MTTP: variants seen among roughly 807,000 people sequenced by gnomAD.
The protein encoded by MTTP is microsomal triglyceride transfer protein large subunit.
In MTTP, 49 loss-of-function variants were observed where a neutral mutation model predicts 90.6. The observed-to-expected ratio is 0.54, with a 90% CI of 0.43 to 0.69. The LOEUF (loss-of-function observed/expected upper bound fraction) is 0.69, where lower values mean the gene tolerates loss of function less well. Ranked by LOEUF, MTTP falls within the 30% of genes least tolerant of loss-of-function variation. The pLI is 0.00. For missense variants in MTTP, 945 were observed against 1,067.5 expected (o/e 0.89, Z 1.60); for synonymous variants, 347 against 384.2 (o/e 0.90, Z 1.13).
intron 15 of MTTP, among the ~76,000 whole-genome samples, chr4:99,615,059 C>T (rs970232252): frequency 2.6e-5 from 4 of 152,192 alleles, no homozygotes; most frequent in African/African-American, 7.2e-5. Context: ...CGTTTTAGGA[C>T]ACAGAGGACA....
intron 16 of MTTP, among the ~76,000 whole-genome samples, 199 bp downstream of exon 16, chr4:99,619,297 A>T (rs1726175369): frequency 6.6e-6 from 1 of 152,208 alleles, no homozygotes. Flanking sequence ...AGTACCTAAT[A>T]TGACTCAGCC....
chr4:99,565,464 A>G (rs1327936587), intron 1 of MTTP, among the ~76,000 whole-genome samples: 1 of 152,246 alleles, frequency 6.6e-6, no homozygotes. Flanking sequence ...CAAAAAATTG[A>G]AACATATAGA....
rs779393101 is a variant in MTTP at position 99,621,132 on chromosome 4, C to T, written c.2414C>T (p.Thr805Ile). The T allele has an allele frequency of 1.2e-6, 2 of 1,614,052 alleles. No homozygotes were observed. The highest frequency in any genetic ancestry group is 1.7e-6 in the Non-Finnish European group (2 of 1,179,934). The stretch of plus-strand genomic sequence containing the variant: ...GTGAAAGCTGGCCTGGAAACCAGTA[C>T]AGAAACAGAAGCAGGCTTGGAGTTT... ...SFVKAGLETSTETEAGLEFIS... is the reference protein window; with the variant it reads ...SFVKAGLETSIETEAGLEFIS... Residue 805 changes from threonine to isoleucine, a missense_variant, in exon 17 of 18, where the codon ACA becomes ATA. By Grantham distance (89) the Thr-to-Ile change is moderately conservative. Coordinates refer to ENST00000265517, the MANE Select transcript of MTTP (RefSeq NM_001386140.1).
intron 1 of MTTP, among the ~76,000 whole-genome samples, chr4:99,564,965 G>C (rs1256134112): frequency 6.6e-6 from 1 of 152,320 alleles, no homozygotes; most frequent in African/African-American, 2.4e-5. Context: ...CTATAACACT[G>C]TTGTGAGTCC....
chr4:99,576,477 C>T (rs556421156), intron 1 of MTTP, among the ~76,000 whole-genome samples: 3 of 151,822 alleles, frequency 2.0e-5, no homozygotes, highest in South Asian at 4.2e-4. Context: ...GGGCGGATCA[C>T]GAGGTCAGGA....
chr4:99,569,511 G>C (rs1244250563), intron 1 of MTTP, among the ~76,000 whole-genome samples: 1 of 151,884 alleles, frequency 6.6e-6, no homozygotes, highest in East Asian at 1.9e-4. Context: ...AACTGTGCAG[G>C]CTATATGAGA....
Position 99,621,096 on chromosome 4 carries a change from A to T in MTTP, c.2378A>T (p.Asp793Val), listed in dbSNP as rs780797954. 6.2e-7 allele frequency: 1 copy of T among 1,613,842 alleles called. No individual in the cohort carries two copies. Among genetic ancestry groups the T allele is most frequent in the South Asian group, 1.1e-5 (1 of 91,074 alleles). The change falls in exon 17 of 18, where the codon GAC becomes GTC. Residue 793 changes from aspartate (D) to valine (V), a missense_variant. By Grantham distance (152) the Asp-to-Val change is radical. Transcript: ENST00000265517. ...TVVITTDITV[D>V]SSFVKAGLET... is the part of the protein sequence containing the mutation. Reference sequence around the variant, plus strand: ...GTAATAACCACTGACATCACAGTGGACTCCTCTTTTGTGAAAGCTGGCCTG... The same window carrying T: ...GTAATAACCACTGACATCACAGTGGTCTCCTCTTTTGTGAAAGCTGGCCTG...
In MTTP at chr4:99,623,601, T is replaced by C. The variant is rs1325961564; in HGVS notation, c.*753T>C. 2.0e-5 allele frequency: 3 copies of C among 152,422 alleles called. No homozygotes were observed. The highest frequency in any genetic ancestry group is 4.4e-5 in the Non-Finnish European group (3 of 68,222). 9.4% of individuals were successfully genotyped at this position (152,422 alleles called of 1,614,324 possible). ...AATTTCAGAAACTCCATTTGATTTT[T>C]CTTTTGCTGTGTCTTTTTGAGACTG... On this transcript the variant is annotated 3_prime_UTR_variant, in exon 18 of 18. Transcript: ENST00000265517.
chr4:99,591,441 G>GA (rs1418521360), intron 5 of MTTP, 90 bp downstream of exon 5: 4 of 1,237,058 alleles, frequency 3.2e-6, no homozygotes, highest in Non-Finnish European at 4.7e-6. Flanking sequence ...AGTAGAAATA[G>GA]AATTTTGAAA....
chr4:99,612,366 C>CTT (rs111611870), intron 14 of MTTP, among the ~76,000 whole-genome samples: 8 of 134,888 alleles, frequency 5.9e-5, no homozygotes, highest in Admixed American at 7.5e-5. Context: ...TGTTTATCGA[C>CTT]TTTTTTTTTT....
rs200114105 is a variant in MTTP at position 99,606,943 on chromosome 4, C to T, written c.1540C>T (p.Pro514Ser). Residue 514 changes from proline to serine, a missense_variant, in exon 11 of 18, where the codon CCT (proline) becomes TCT (serine). Pro to Ser is a moderately conservative substitution (Grantham distance 74). Transcript: ENST00000265517. ...ATTALQRYDL[P>S]FITDEVKKTL... ...CACTGCTCTCCAGAGATATGATCTC[C>T]CTTTCATAACTGATGAGGTAAAATC... 4.9e-5 allele frequency: 79 copies of T among 1,613,268 alleles called. No homozygotes were observed. The highest frequency in any genetic ancestry group is 6.7e-5 in the East Asian group (3 of 44,840).
intron 6 of MTTP, among the ~76,000 whole-genome samples, 178 bp from the exon 7 acceptor site, chr4:99,594,555 G>A (rs78535955): frequency 1.3e-5 from 2 of 152,034 alleles, no homozygotes; most frequent in Non-Finnish European, 2.9e-5. Context: ...TATAATTGTT[G>A]CTCCAGAAAG....
At chr4:99,595,541 T>C (rs1278474825) in intron 7 of MTTP, 5 of 156,494 alleles carry the variant, frequency 3.2e-5, no homozygotes, top group African/African-American at 1.2e-4. Flanking sequence ...GAGCAAACCA[T>C]TGGCTTCATG....
chr4:99,610,260 T>C (rs1166719589), intron 12 of MTTP, among the ~76,000 whole-genome samples: 1 of 152,196 alleles, frequency 6.6e-6, no homozygotes, highest in African/African-American at 2.4e-5. Context: ...AATCTTCCTA[T>C]TGGCTCTGGT....
intron 3 of MTTP, among the ~76,000 whole-genome samples, chr4:99,585,911 G>A (rs529547668): frequency 6.6e-6 from 1 of 152,248 alleles, no homozygotes; most frequent in Admixed American, 6.5e-5. Context: ...TTTTGGCCAT[G>A]TCACTGTCAG....
At chr4:99,605,441 T>C (rs1725791297) in intron 10 of MTTP, among the ~76,000 whole-genome samples, 2 of 152,218 alleles carry the variant, frequency 1.3e-5, no homozygotes, top group South Asian at 4.1e-4. Flanking sequence ...TAGTACTCCA[T>C]TGTGTCTATG....
chr4:99,568,325 G>T (rs13131135), intron 1 of MTTP, among the ~76,000 whole-genome samples: 1 of 151,966 alleles, frequency 6.6e-6, no homozygotes, highest in African/African-American at 2.4e-5. Context: ...CATGATATAA[G>T]GTTAACATGC....
At chr4:99,607,677 G>A (rs1335381878) in intron 11 of MTTP, among the ~76,000 whole-genome samples, 1 of 152,084 alleles carries the variant, frequency 6.6e-6, no homozygotes, top group Non-Finnish European at 1.5e-5. Context: ...ATATCATTAG[G>A]CAGTTCTAAT....
At chr4:99,622,438 C>T (rs1726259259) in intron 17 of MTTP, among the ~76,000 whole-genome samples, 1 of 152,174 alleles carries the variant, frequency 6.6e-6, no homozygotes, top group Non-Finnish European at 1.5e-5. Context: ...TGAATTTAGT[C>T]TTTCATTCTA....
Sources: gnomAD v4.1 joint callset for allele counts (sites outside exome capture counted in the v4.1 genomes callset) on GRCh38, gnomAD v4.1.1 for gene constraint, MANE v1.5 for transcripts, NCBI Gene and HGNC (gene_info 2026-07-23, HGNC 2026-07-21) for gene names.